Variants in OIP5 observed in about 807,000 individuals in gnomAD.
OIP5 encodes protein Mis18-beta.
A neutral mutation model predicts 20.3 loss-of-function variants in OIP5; 24 were observed. The observed-to-expected ratio is 1.18, with a 90% confidence interval of 0.86 to 1.66. The LOEUF (loss-of-function observed/expected upper bound fraction) is 1.66, where lower values mean the gene tolerates loss of function less well. OIP5 is among the 40% of genes most tolerant of loss of function. The probability of loss-of-function intolerance (pLI) is 0.00; values close to 1 mark genes in which losing one functional copy is unlikely to be tolerated. For synonymous variants in OIP5, 143 were observed against 121.3 expected, an observed-to-expected ratio of 1.18 and a Z score of -1.17; for missense variants, 339 against 289.5, an observed-to-expected ratio of 1.17 and a Z score of -1.24.
At chr15:41,332,038 C>G (rs1038160727) in intron 1 of OIP5, 57 bp from the exon 2 acceptor site, 2 of 1,541,912 alleles carry the variant, frequency 1.3e-6, no homozygotes, top group African/African-American at 2.7e-5. Context: ...AATGGAAAAT[C>G]TCTCCTCTAG....
chr15:41,317,333 C>T (rs916259317), intron 3 of OIP5, among the ~76,000 whole-genome samples: 4 of 151,540 alleles, frequency 2.6e-5, no homozygotes, highest in Non-Finnish European at 5.9e-5. Flanking sequence ...TTTCAAATTC[C>T]TAAGGTAGAA....
At chr15:41,330,195 A>G (rs941198131) in intron 2 of OIP5, among the ~76,000 whole-genome samples, 28 of 151,484 alleles carry the variant, frequency 1.8e-4, no homozygotes, top group Non-Finnish European at 3.2e-4. Flanking sequence ...GGTTCAAGCG[A>G]TTCTCCCTCC....
chr15:41,323,213 G>A (rs182364338), intron 2 of OIP5, among the ~76,000 whole-genome samples: 24 of 152,102 alleles, frequency 1.6e-4, no homozygotes, highest in African/African-American at 5.1e-4. Flanking sequence ...ATTTCCATTC[G>A]GGCGCAATGG....
chr15:41,332,078 A>G (rs891141357), intron 1 of OIP5, 97 bp from the exon 2 acceptor site: 21 of 1,369,836 alleles, frequency 1.5e-5, no homozygotes, highest in Non-Finnish European at 1.9e-5. Context: ...AAATATCAGG[A>G]GACTCCCCGA....
At chr15:41,316,789 C>CAAAAAAAAAAAAAA (rs11385589) in intron 3 of OIP5, among the ~76,000 whole-genome samples, 1 of 61,900 alleles carries the variant, frequency 1.6e-5, no homozygotes, top group Non-Finnish European at 3.1e-5. Flanking sequence ...GACTCCATCT[C>CAAAAAAAAAAAAAA]AAAAAAAAAA....
chr15:41,325,781 T>C (rs1318769583), intron 2 of OIP5, among the ~76,000 whole-genome samples: 3 of 130,470 alleles, frequency 2.3e-5, no homozygotes, highest in Admixed American at 1.7e-4. Context: ...ACCCGGGATG[T>C]GGAGGTTGCA....
intron 2 of OIP5, among the ~76,000 whole-genome samples, chr15:41,323,984 G>GC (rs1227308755): frequency 8.9e-6 from 1 of 112,606 alleles, no homozygotes; most frequent in East Asian, 2.1e-4. Flanking sequence ...ACCAACCTCT[G>GC]CTTTTTTTTT....
At chr15:41,325,680 T>C (rs1050132822) in intron 2 of OIP5, among the ~76,000 whole-genome samples, 1 of 142,490 alleles carries the variant, frequency 7.0e-6, no homozygotes, top group East Asian at 2.2e-4. Flanking sequence ...GCGAAACCCA[T>C]CTCTAATAAA....
intron 3 of OIP5, 24 bp from the exon 4 acceptor site, chr15:41,313,378 T>G: frequency 7.9e-7 from 1 of 1,263,092 alleles, no homozygotes; most frequent in Non-Finnish European, 1.1e-6. Flanking sequence ...AAGAAAAATA[T>G]TAGTGTCATA....
At chr15:41,321,923 A>AT (rs1296069605) in intron 2 of OIP5, among the ~76,000 whole-genome samples, 2,104 of 131,724 alleles carry the variant, frequency 0.016, 42 homozygotes, top group African/African-American at 0.064. Context: ...TGATCAATAA[A>AT]AAAATAAATA....
At chr15:41,325,977 C>CA (rs1055484703) in intron 2 of OIP5, among the ~76,000 whole-genome samples, 1 of 151,636 alleles carries the variant, frequency 6.6e-6, no homozygotes, top group Non-Finnish European at 1.5e-5. Flanking sequence ...GCATGGCCAA[C>CA]ATGGCAAAAC....
chr15:41,313,196 A>G, intron 4 of OIP5, 77 bp downstream of exon 4: 2 of 862,316 alleles, frequency 2.3e-6, no homozygotes, highest in Non-Finnish European at 3.8e-6. Context: ...CCATTTCATC[A>G]TCCCCAAGTT....
chr15:41,324,922 T>C (rs1411018247), intron 2 of OIP5, among the ~76,000 whole-genome samples: 1 of 152,126 alleles, frequency 6.6e-6, no homozygotes, highest in Non-Finnish European at 1.5e-5. Flanking sequence ...TTAAAGGCCA[T>C]TGTTGGGTTA....
intron 3 of OIP5, among the ~76,000 whole-genome samples, chr15:41,313,607 T>G (rs34370446): frequency 2.0e-4 from 31 of 152,342 alleles, no homozygotes; most frequent in Non-Finnish European, 3.8e-4. Flanking sequence ...TACACTCTTT[T>G]TCTTGTCATC....
At chr15:41,329,398 C>G (rs966452885) in intron 2 of OIP5, among the ~76,000 whole-genome samples, 12 of 151,136 alleles carry the variant, frequency 7.9e-5, no homozygotes, top group Non-Finnish European at 1.3e-4. Flanking sequence ...TCACTGCAAC[C>G]TCTGCTTCCC....
chr15:41,329,473 GC>G (rs1217231519), intron 2 of OIP5, among the ~76,000 whole-genome samples: 2 of 151,406 alleles, frequency 1.3e-5, no homozygotes, highest in Admixed American at 6.6e-5. Flanking sequence ...TTGCCACCTC[GC>G]CCCCCTAATT....
At chr15:41,318,918 G>A (rs2047804928) in intron 3 of OIP5, among the ~76,000 whole-genome samples, 1 of 151,522 alleles carries the variant, frequency 6.6e-6, no homozygotes, top group African/African-American at 2.4e-5. Context: ...GCCCATGGAG[G>A]TCTTGAACTC....
chr15:41,326,730 G>A (rs1309142284), intron 2 of OIP5, among the ~76,000 whole-genome samples: 2 of 152,062 alleles, frequency 1.3e-5, no homozygotes, highest in Non-Finnish European at 2.9e-5. Flanking sequence ...CCGGCCCCAT[G>A]TTTTTAACAA....
chr15:41,319,273 T>C (rs1364952272), intron 3 of OIP5, among the ~76,000 whole-genome samples: 1 of 151,432 alleles, frequency 6.6e-6, no homozygotes, highest in Admixed American at 6.6e-5. Flanking sequence ...AGAATCTCAC[T>C]ATGTCTCCCA....
Sources: allele counts gnomAD v4.1 joint callset (sites outside exome capture counted in the v4.1 genomes callset), GRCh38; gene constraint gnomAD v4.1.1; transcripts MANE v1.5; gene names NCBI Gene and HGNC (gene_info 2026-07-23, HGNC 2026-07-21).